The following LINGO2 variants were observed in gnomAD, a reference collection of about 807,000 sequenced individuals.
The protein encoded by LINGO2 is leucine-rich repeat and immunoglobulin-like domain-containing nogo receptor-interacting protein 2.
LINGO2 carries 14 observed loss-of-function variants against 30.6 expected under a neutral mutation model. The ratio of observed to expected loss-of-function variants is 0.46; its 90% CI spans 0.30 to 0.72. The LOEUF (loss-of-function observed/expected upper bound fraction) is 0.72, where lower values mean the gene tolerates loss of function less well. LINGO2 is among the 30% of genes least tolerant of loss of function. LINGO2 has a pLI of 0.07. For missense variants in LINGO2, 729 were observed against 751.7 expected (o/e 0.97, Z 0.35); for synonymous variants, 317 against 288.5 (o/e 1.10, Z -1.00).
chr9:28,912,680 A>G, the LINGO2 span, among the ~76,000 whole-genome samples: 1 of 152,168 alleles, frequency 6.6e-6, no homozygotes, highest in East Asian at 1.9e-4. Flanking sequence ...TGTCTTCATT[A>G]GTAATCACTG....
rs143089499 is a variant in LINGO2 at position 28,533,506 on chromosome 9, A to G, written c.-364-57481T>C. Reference sequence around the variant, plus strand: ...TGACTAATACAGTCCTCTTTAGTTTATCTTATAAGGAAGGAGTCAGGACAT... The same window carrying G: ...TGACTAATACAGTCCTCTTTAGTTTGTCTTATAAGGAAGGAGTCAGGACAT... On this transcript the variant is annotated intron_variant, in intron 1 of 5. Transcript: ENST00000379992. Among the ~76,000 whole-genome samples the G allele has an allele frequency of 4.0e-3, 611 of 152,264 alleles. 4 individuals are homozygous for G. Among genetic ancestry groups the G allele is most frequent in the Non-Finnish European group, 5.6e-3 (379 of 68,006 alleles).
At position 28,506,485 on chromosome 9, in the gene LINGO2, C is replaced by CATATATATATATATAT. The variant is rs1491111372; in HGVS notation, c.-364-30461_-364-30460insATATATATATATATAT. On this transcript the variant is annotated intron_variant, in intron 1 of 5. Coordinates refer to ENST00000379992, the Ensembl canonical transcript of LINGO2. ...ACATACACACACACACACACATACA[C>CATATATATATATATAT]ATACACACACACACACAGACATATA... Among the ~76,000 whole-genome samples, 47 of 73,360 alleles carry CATATATATATATATAT rather than the reference C, an allele frequency of 6.4e-4. 6 individuals are homozygous for CATATATATATATATAT. Among genetic ancestry groups the CATATATATATATATAT allele is most frequent in the East Asian group, 2.2e-3 (6 of 2,684 alleles). The allele number at this position is 73,360 out of a possible 152,430, so 48.1% of individuals were successfully genotyped here. A position where few individuals can be genotyped will look rare whatever the true frequency, so the allele number is the denominator to read the frequency against.
chr9:28,379,495 C>T (rs991246750), intron 2 of LINGO2, among the ~76,000 whole-genome samples: 1 of 152,066 alleles, frequency 6.6e-6, no homozygotes, highest in Non-Finnish European at 1.5e-5. Flanking sequence ...AACAATTTTA[C>T]TTGAGTTACA....
chr9:28,971,314 G>C, the LINGO2 span, among the ~76,000 whole-genome samples: 13 of 152,182 alleles, frequency 8.5e-5, no homozygotes, highest in African/African-American at 3.1e-4. Context: ...CAGTGGCATA[G>C]ACCACTAAGC....
the LINGO2 span, among the ~76,000 whole-genome samples, chr9:28,703,125 T>C: frequency 6.6e-6 from 1 of 151,874 alleles, no homozygotes; most frequent in Admixed American, 6.6e-5. Context: ...TTTACTGATT[T>C]CTGCTCCATT....
At chr9:28,663,720 A>G (rs957164199) in intron 1 of LINGO2, among the ~76,000 whole-genome samples, 2 of 152,214 alleles carry the variant, frequency 1.3e-5, no homozygotes, top group Non-Finnish European at 2.9e-5. Context: ...TAAAGAACAC[A>G]TAAACCATTT....
At chr9:28,306,381 G>A (rs554513301) in intron 3 of LINGO2, among the ~76,000 whole-genome samples, 6 of 152,238 alleles carry the variant, frequency 3.9e-5, no homozygotes, top group Middle Eastern at 6.8e-3. Flanking sequence ...TGAAACCTAC[G>A]AGAACAAAGA....
chr9:28,572,842 A>T (rs573271202), intron 1 of LINGO2, among the ~76,000 whole-genome samples: 1 of 152,270 alleles, frequency 6.6e-6, no homozygotes, highest in East Asian at 1.9e-4. Flanking sequence ...TATTCAAGGA[A>T]CACTAGAAAT....
chr9:28,887,313 T>G, the LINGO2 span, among the ~76,000 whole-genome samples: 3 of 151,978 alleles, frequency 2.0e-5, no homozygotes, highest in Non-Finnish European at 2.9e-5. Flanking sequence ...AAGGGTCAGA[T>G]GAGCTCCTTG....
chr9:28,989,339 T>C, the LINGO2 span, among the ~76,000 whole-genome samples: 1 of 152,254 alleles, frequency 6.6e-6, no homozygotes, highest in Non-Finnish European at 1.5e-5. Flanking sequence ...TTAATAAAAC[T>C]CTGTGAACAT....
At chr9:28,794,626 C>T in the LINGO2 span, among the ~76,000 whole-genome samples, 3,486 of 152,144 alleles carry the variant, frequency 0.023, 145 homozygotes, top group African/African-American at 0.078. Flanking sequence ...AAATACTAGT[C>T]ATGTGTTCTA....
chr9:28,266,181 C>T (rs1453330005), intron 4 of LINGO2, among the ~76,000 whole-genome samples: 2 of 151,902 alleles, frequency 1.3e-5, no homozygotes, highest in Non-Finnish European at 2.9e-5. Flanking sequence ...AAATGAGACA[C>T]AAAGATAACC....
At chr9:27,981,665 T>C (rs1177932880) in intron 5 of LINGO2, among the ~76,000 whole-genome samples, 1 of 151,444 alleles carries the variant, frequency 6.6e-6, no homozygotes, top group Non-Finnish European at 1.5e-5. Flanking sequence ...TCCCCTCTTA[T>C]TGAGAGAGCA....
chr9:28,892,125 G>T, the LINGO2 span, among the ~76,000 whole-genome samples: 3 of 151,848 alleles, frequency 2.0e-5, no homozygotes, highest in Non-Finnish European at 4.4e-5. Context: ...GAAATAGGTG[G>T]AGATAAATCT....
At chr9:28,199,156 C>T (rs1820124625) in intron 4 of LINGO2, among the ~76,000 whole-genome samples, 1 of 152,054 alleles carries the variant, frequency 6.6e-6, no homozygotes, top group Admixed American at 6.6e-5. Context: ...TATCTGACTC[C>T]TGGTATTTGG....
chr9:28,624,740 G>C (rs867746823), intron 1 of LINGO2, among the ~76,000 whole-genome samples: 7 of 151,202 alleles, frequency 4.6e-5, no homozygotes, highest in African/African-American at 1.7e-4. Flanking sequence ...GAAATAGTTT[G>C]AGTAGGATTG....
At chr9:28,201,672 T>C (rs1236256875) in intron 4 of LINGO2, among the ~76,000 whole-genome samples, 1 of 151,778 alleles carries the variant, frequency 6.6e-6, no homozygotes, top group Non-Finnish European at 1.5e-5. Context: ...CCACAATGGT[T>C]GAACCAGTTT....
At chr9:28,921,538 C>T in the LINGO2 span, among the ~76,000 whole-genome samples, 3 of 152,198 alleles carry the variant, frequency 2.0e-5, no homozygotes, top group Non-Finnish European at 4.4e-5. Flanking sequence ...GATGTGGGGA[C>T]CTGCTGCAAT....
At chr9:28,968,079 T>A in the LINGO2 span, among the ~76,000 whole-genome samples, 1 of 152,306 alleles carries the variant, frequency 6.6e-6, no homozygotes, top group African/African-American at 2.4e-5. Flanking sequence ...GTCATACTTT[T>A]ATCTGAACTT....
Sources: gnomAD v4.1 joint callset for allele counts (sites outside exome capture counted in the v4.1 genomes callset) on GRCh38, gnomAD v4.1.1 for gene constraint, MANE v1.5 for transcripts, NCBI Gene and HGNC (gene_info 2026-07-23, HGNC 2026-07-21) for gene names.